Variants in CRYBG1 observed in about 807,000 individuals in gnomAD.
CRYBG1 encodes the protein crystallin beta-gamma domain containing 1.
Under a neutral mutation model 189.2 loss-of-function variants are expected in CRYBG1, and 139 were observed. That is an observed-to-expected ratio of 0.73 (90% CI 0.64 to 0.85). The LOEUF is 0.85. CRYBG1 is among the 40% of genes least tolerant of loss of function. The pLI, the probability that CRYBG1 is intolerant of heterozygous loss-of-function variation, is 0.00. For synonymous variants in CRYBG1, 1,023 were observed against 1,017.1 expected, an observed-to-expected ratio of 1.01 and a Z score of -0.11; for missense variants, 2,611 against 2,675.8, an observed-to-expected ratio of 0.98 and a Z score of 0.53.
At chr6:106,473,986 T>G (rs945661988) in intron 2 of CRYBG1, among the ~76,000 whole-genome samples, 31 of 152,372 alleles carry the variant, frequency 2.0e-4, no homozygotes, top group Middle Eastern at 3.4e-3. Flanking sequence ...TTGCTTAGGT[T>G]GGAGAATATG....
At chr6:106,490,556 G>A (rs1043500567) in intron 2 of CRYBG1, among the ~76,000 whole-genome samples, 9 of 152,138 alleles carry the variant, frequency 5.9e-5, no homozygotes, top group South Asian at 2.1e-4. Flanking sequence ...TCTGTGACTC[G>A]TAGCTGAAAT....
intron 1 of CRYBG1, among the ~76,000 whole-genome samples, chr6:106,367,882 A>G (rs9399986): frequency 0.66 from 100,369 of 151,264 alleles, 33,467 homozygotes; most frequent in African/African-American, 0.73. Flanking sequence ...TGGGAGGATC[A>G]TTTGAGCCCA....
At chr6:106,419,692 A>G (rs1367347435) in intron 1 of CRYBG1, among the ~76,000 whole-genome samples, 1 of 152,154 alleles carries the variant, frequency 6.6e-6, no homozygotes, top group African/African-American at 2.4e-5. Flanking sequence ...CCTCCTTACA[A>G]GTTTTTAAGT....
At chr6:106,537,813 C>A (rs1175487370) in intron 8 of CRYBG1, among the ~76,000 whole-genome samples, 1 of 152,220 alleles carries the variant, frequency 6.6e-6, no homozygotes, top group Non-Finnish European at 1.5e-5. Flanking sequence ...CCATATCCCA[C>A]ACCTGGCCTC....
At chr6:106,507,501 A>G (rs1382186051) in intron 2 of CRYBG1, among the ~76,000 whole-genome samples, 7 of 152,208 alleles carry the variant, frequency 4.6e-5, no homozygotes, top group Non-Finnish European at 8.8e-5. Context: ...CTGAGGAAGC[A>G]TGAAGAAACT....
intron 9 of CRYBG1, 183 bp from the exon 10 acceptor site, chr6:106,541,403 A>G (rs781149008): frequency 1.3e-5 from 9 of 691,818 alleles, no homozygotes; most frequent in Non-Finnish European, 2.4e-5. Context: ...GCTCCGTTCT[A>G]GCCTGCCTTC....
chr6:106,494,682 TATA>T (rs1772803844), intron 2 of CRYBG1, among the ~76,000 whole-genome samples: 1 of 152,240 alleles, frequency 6.6e-6, no homozygotes, highest in African/African-American at 2.4e-5. Flanking sequence ...TATGATAACT[TATA>T]ATTATCTAAT....
chr6:106,440,818 A>G (rs1771554162), intron 1 of CRYBG1, among the ~76,000 whole-genome samples: 1 of 152,348 alleles, frequency 6.6e-6, no homozygotes, highest in Non-Finnish European at 1.5e-5. Context: ...GATGAAACTG[A>G]TGTTTCTCAA....
At chr6:106,362,351 G>A (rs997464640) in intron 1 of CRYBG1, among the ~76,000 whole-genome samples, 1 of 152,104 alleles carries the variant, frequency 6.6e-6, no homozygotes, top group African/African-American at 2.4e-5. Context: ...TAAGTGCCAT[G>A]TACTGCGATA....
At chr6:106,411,372 T>C (rs1312353291) in intron 1 of CRYBG1, among the ~76,000 whole-genome samples, 1 of 152,162 alleles carries the variant, frequency 6.6e-6, no homozygotes, top group African/African-American at 2.4e-5. Context: ...TCTGTAGGGG[T>C]TAACCTAGAG....
intron 14 of CRYBG1, 34 bp from the exon 15 acceptor site, chr6:106,552,150 C>T (rs1236497728): frequency 1.1e-5 from 17 of 1,557,972 alleles, no homozygotes; most frequent in Non-Finnish European, 1.4e-5. Flanking sequence ...TTGTTCTATT[C>T]ATTTCCTTTT....
chr6:106,551,543 T>C (rs1774405007), intron 13 of CRYBG1, among the ~76,000 whole-genome samples: 1 of 152,234 alleles, frequency 6.6e-6, no homozygotes, highest in South Asian at 2.1e-4. Context: ...AGTAATGGGA[T>C]TGCTGGGTTG....
At chr6:106,528,904 TA>T (rs1321840562) in intron 7 of CRYBG1, among the ~76,000 whole-genome samples, 1 of 152,084 alleles carries the variant, frequency 6.6e-6, no homozygotes, top group Non-Finnish European at 1.5e-5. Flanking sequence ...CTATTATAAG[TA>T]ATGCCACGAG....
intron 1 of CRYBG1, among the ~76,000 whole-genome samples, chr6:106,386,774 A>G (rs1474825131): frequency 6.6e-5 from 10 of 152,194 alleles, no homozygotes; most frequent in African/African-American, 2.4e-4. Context: ...GATCGGCTGT[A>G]AATAACAGAT....
chr6:106,571,786 T>C lies in CRYBG1; in HGVS notation c.*3220T>C, dbSNP rs9486408. On this transcript the variant is annotated 3_prime_UTR_variant, in exon 22 of 22. Coordinates refer to ENST00000633556, the MANE Select transcript of CRYBG1 (RefSeq NM_001371242.2). ...GTGTGAAGGAACAGCTTGAAAAAAC[T>C]TCGAATTTCTACTGACTACAGACAA... 0.13 allele frequency: 60,349 copies of C among 481,260 alleles called. 4,695 individuals carry two copies. Among genetic ancestry groups the C allele is most frequent in the African/African-American group, 0.28 (13,803 of 50,034 alleles). The allele number at this position is 481,260 out of a possible 1,614,324, so 29.8% of individuals were successfully genotyped here.
At chr6:106,435,878 T>C (rs1288534580) in intron 1 of CRYBG1, among the ~76,000 whole-genome samples, 18 of 152,280 alleles carry the variant, frequency 1.2e-4, no homozygotes, top group Admixed American at 1.1e-3. Context: ...TTGCAAATTT[T>C]AAAAACAAAT....
At chr6:106,490,219 G>A (rs1772689449) in intron 2 of CRYBG1, among the ~76,000 whole-genome samples, 1 of 152,240 alleles carries the variant, frequency 6.6e-6, no homozygotes, top group Non-Finnish European at 1.5e-5. Context: ...TCACCCTGGT[G>A]TGAATGCAGG....
chr6:106,544,785 T>C lies in CRYBG1; in HGVS notation c.5167-3T>C. The C allele has an allele frequency of 6.2e-7, 1 of 1,602,200 alleles. No homozygotes were observed. Among genetic ancestry groups the C allele is most frequent in the Non-Finnish European group, 8.5e-7 (1 of 1,176,732 alleles). On this transcript the variant is annotated splice_region_variant and splice_polypyrimidine_tract_variant and intron_variant, in intron 12 of 21. Coordinates refer to ENST00000633556, the MANE Select transcript of CRYBG1 (RefSeq NM_001371242.2). ...TTGAATTTTGAATTTTTTTTCTCAA[T>C]AGGATTTTTCAAATGCTCACATGAT...
chr6:106,369,679 T>C (rs1305972465), intron 1 of CRYBG1, among the ~76,000 whole-genome samples: 1 of 152,204 alleles, frequency 6.6e-6, no homozygotes, highest in African/African-American at 2.4e-5. Flanking sequence ...TTATAATAAC[T>C]TCAGACCATG....
Sources: gnomAD v4.1 joint callset for allele counts (sites outside exome capture counted in the v4.1 genomes callset) on GRCh38, gnomAD v4.1.1 for gene constraint, MANE v1.5 for transcripts, NCBI Gene and HGNC (gene_info 2026-07-23, HGNC 2026-07-21) for gene names.